SNX18: variants seen among roughly 807,000 people sequenced by gnomAD.
SNX18 encodes sorting nexin 18.
A neutral mutation model predicts 48.7 loss-of-function variants in SNX18; 35 were observed. The observed-to-expected ratio is 0.72, with a 90% CI of 0.55 to 0.95. The LOEUF (loss-of-function observed/expected upper bound fraction) is 0.95. SNX18 is among the 40% of genes least tolerant of loss of function. SNX18 has a pLI of 0.00. For synonymous variants in SNX18, 492 were observed against 384.7 expected, an observed-to-expected ratio of 1.28 and a Z score of -3.26; for missense variants, 824 against 871.0, an observed-to-expected ratio of 0.95 and a Z score of 0.68.
At chr5:54,569,034 G>C in the SNX18 span, among the ~76,000 whole-genome samples, 2 of 151,694 alleles carry the variant, frequency 1.3e-5, no homozygotes, top group Non-Finnish European at 2.9e-5. Flanking sequence ...GTAGAGACAT[G>C]GTTTTGCCAT....
chr5:54,614,860 C>T, the SNX18 span, among the ~76,000 whole-genome samples: 4 of 152,094 alleles, frequency 2.6e-5, no homozygotes, highest in African/African-American at 9.7e-5. Flanking sequence ...TATTCTATTC[C>T]AGGTACTGTC....
At chr5:54,557,101 A>G in the SNX18 span, among the ~76,000 whole-genome samples, 1 of 152,240 alleles carries the variant, frequency 6.6e-6, no homozygotes. Context: ...GGCAAGGAAA[A>G]TGCCTTATGA....
At chr5:54,641,588 C>T in the SNX18 span, among the ~76,000 whole-genome samples, 70,306 of 151,788 alleles carry the variant, frequency 0.46, 16,645 homozygotes, top group African/African-American at 0.54. Context: ...TTTGAGCGTG[C>T]ACTACAGAGA....
chr5:54,528,856 G>A (rs747387697), intron 1 of SNX18, among the ~76,000 whole-genome samples: 24 of 152,282 alleles, frequency 1.6e-4, no homozygotes, highest in South Asian at 4.1e-4. Context: ...TATGGGATCC[G>A]TCTTGGCTGC....
chr5:54,549,171 G>T (rs1173362369), downstream of SNX18, among the ~76,000 whole-genome samples: 2 of 152,238 alleles, frequency 1.3e-5, no homozygotes, highest in African/African-American at 4.8e-5. Flanking sequence ...TGTGAGAAAT[G>T]AATGGCAGGT....
chr5:54,565,192 A>G, the SNX18 span, among the ~76,000 whole-genome samples: 2 of 152,228 alleles, frequency 1.3e-5, no homozygotes, highest in Non-Finnish European at 2.9e-5. Flanking sequence ...CTAGCCATAT[A>G]ACATAAAATG....
the SNX18 span, among the ~76,000 whole-genome samples, chr5:54,624,174 T>C: frequency 6.6e-6 from 1 of 152,216 alleles, no homozygotes; most frequent in Non-Finnish European, 1.5e-5. Context: ...ATCAATTGCA[T>C]ACTATATAGT....
chr5:54,539,779 T>G (rs1409444592), intron 1 of SNX18, among the ~76,000 whole-genome samples: 1 of 151,836 alleles, frequency 6.6e-6, no homozygotes, highest in African/African-American at 2.4e-5. Flanking sequence ...TTTTGTGTTA[T>G]TCACTTAATA....
At chr5:54,601,240 T>C in the SNX18 span, among the ~76,000 whole-genome samples, 2 of 25,474 alleles carry the variant, frequency 7.9e-5, no homozygotes, top group East Asian at 2.4e-3. Context: ...TTACAAATCA[T>C]GGATTTTTGT....
At position 54,519,054 on chromosome 5, in the gene SNX18, G is replaced by A; in HGVS notation, c.1102G>A (p.Val368Met). ...WWMNHMASHP[V>M]LAQCDVFQHF... is the part of the protein sequence containing the mutation. ...GATGAACCACATGGCCAGCCACCCA[G>A]TGCTGGCGCAGTGCGACGTCTTCCA... Residue 368 changes from valine to methionine, a missense_variant, in exon 1 of 2, where the codon GTG becomes ATG. Physicochemically the swap from Val to Met is conservative, Grantham distance 21. This residue lies in a region of SNX18 where 443 missense variants were observed against 503.6 expected (regional missense o/e 0.88). Coordinates refer to ENST00000381410, the MANE Select transcript of SNX18 (RefSeq NM_001102575.2). 1.2e-6 allele frequency: 2 copies of A among 1,613,910 alleles called. No homozygotes were observed. Among genetic ancestry groups the A allele is most frequent in the Non-Finnish European group, 1.7e-6 (2 of 1,179,960 alleles).
chr5:54,550,707 C>T (rs866643289), downstream of SNX18, among the ~76,000 whole-genome samples: 1 of 152,096 alleles, frequency 6.6e-6, no homozygotes, highest in Non-Finnish European at 1.5e-5. Flanking sequence ...CCTTCAGCCT[C>T]CCGAGTACCT....
the SNX18 span, among the ~76,000 whole-genome samples, chr5:54,623,322 G>A: frequency 2.6e-5 from 4 of 152,150 alleles, no homozygotes; most frequent in South Asian, 8.3e-4. Flanking sequence ...ATGTGCCAGA[G>A]CACCAGGGAG....
chr5:54,521,297 C>T (rs190155016), intron 1 of SNX18, among the ~76,000 whole-genome samples: 49 of 152,272 alleles, frequency 3.2e-4, no homozygotes, highest in Admixed American at 7.2e-4. Context: ...TCAATCACAC[C>T]ATGCACTCAG....
chr5:54,552,950 GAGTGA>G, the SNX18 span, among the ~76,000 whole-genome samples: 1 of 152,084 alleles, frequency 6.6e-6, no homozygotes, highest in Non-Finnish European at 1.5e-5. Context: ...GAAGGACTGA[GAGTGA>G]AGTATGTGGA....
the SNX18 span, among the ~76,000 whole-genome samples, chr5:54,558,821 G>A: frequency 3.9e-5 from 6 of 152,246 alleles, 1 homozygote; most frequent in South Asian, 8.3e-4. Context: ...ATGCCATGCC[G>A]AAATTCAGTG....
At chr5:54,643,954 TTTC>T in the SNX18 span, 1 of 152,246 alleles carries the variant, frequency 6.6e-6, no homozygotes, top group Non-Finnish European at 1.5e-5. Context: ...GCTGGAATTG[TTTC>T]TTCACTTTGG....
chr5:54,535,001 A>T (rs1049570963), intron 1 of SNX18, among the ~76,000 whole-genome samples: 3 of 152,164 alleles, frequency 2.0e-5, no homozygotes, highest in Admixed American at 6.5e-5. Flanking sequence ...CATGGTGCTG[A>T]TTTCTAATTC....
chr5:54,632,680 G>T, the SNX18 span, among the ~76,000 whole-genome samples: 1 of 152,002 alleles, frequency 6.6e-6, no homozygotes, highest in Non-Finnish European at 1.5e-5. Context: ...GAGGGATGAG[G>T]GGATTTGTTG....
At chr5:54,609,848 T>C in the SNX18 span, among the ~76,000 whole-genome samples, 1 of 151,924 alleles carries the variant, frequency 6.6e-6, no homozygotes, top group African/African-American at 2.4e-5. Flanking sequence ...TGGAGCGTGG[T>C]GGGAGGTGAT....
Sources: allele counts gnomAD v4.1 joint callset (sites outside exome capture counted in the v4.1 genomes callset), GRCh38; gene constraint gnomAD v4.1.1; regional missense constraint gnomAD v4.1.1; transcripts MANE v1.5; gene names NCBI Gene and HGNC (gene_info 2026-07-23, HGNC 2026-07-21).